The following CACHD1 variants were observed in gnomAD, a reference collection of about 807,000 sequenced individuals.
CACHD1 encodes the protein cache domain containing 1.
Under a neutral mutation model 138.7 loss-of-function variants are expected in CACHD1, and 71 were observed. That is an observed-to-expected ratio of 0.51 (90% CI 0.42 to 0.62). The LOEUF (loss-of-function observed/expected upper bound fraction) is 0.62. Ranked by LOEUF, CACHD1 falls within the 20% of genes least tolerant of loss-of-function variation. CACHD1 has a pLI of 0.00. For synonymous variants in CACHD1, 578 were observed against 591.5 expected (o/e 0.98, Z 0.33); for missense variants, 1,389 against 1,625.3 (o/e 0.85, Z 2.50).
Position 64,487,633 on chromosome 1 carries a change from TA to T in CACHD1, c.198+16701del, listed in dbSNP as rs146677938. 2.7e-3 allele frequency among the ~76,000 whole-genome samples: 404 copies of T among 150,164 alleles called. 3 individuals carry two copies. The highest frequency in any genetic ancestry group is 4.4e-3 in the Non-Finnish European group (294 of 67,394). ...CTTGGTTATGCTGGACCTCCTTTTT[TA>T]AAAAAAAAATGTAACTGATTATCTA... On this transcript the variant is annotated intron_variant, in intron 1 of 26. Coordinates refer to ENST00000651257, the MANE Select transcript of CACHD1 (RefSeq NM_020925.4).
In CACHD1 at chr1:64,663,873, C is replaced by T. The variant is rs767771231; in HGVS notation, c.2094+36C>T. 7 of 1,613,054 alleles carry T rather than the reference C, an allele frequency of 4.3e-6. No homozygotes were observed. The Admixed American group carries it at 6.7e-5, about 15-fold the overall frequency. ...GCGCAGAGCTCCATTTCTGGTGTCCCCCTCCACAGGCCCAGCAGGGGGTGC... is the reference window on the plus strand; with the variant it reads ...GCGCAGAGCTCCATTTCTGGTGTCCTCCTCCACAGGCCCAGCAGGGGGTGC... On this transcript the variant is annotated intron_variant, in intron 14 of 26. Transcript: ENST00000651257.
At chr1:64,640,398 A>G (rs1007212908) in intron 7 of CACHD1, among the ~76,000 whole-genome samples, 2 of 152,164 alleles carry the variant, frequency 1.3e-5, no homozygotes, top group African/African-American at 4.8e-5. Flanking sequence ...TATTGAGGCC[A>G]GGCGTGGTGG....
Position 64,641,988 on chromosome 1 carries a change from T to C in CACHD1, c.1156+19T>C, listed in dbSNP as rs1648733807. 1.3e-6 allele frequency: 2 copies of C among 1,532,546 alleles called. No individual in the cohort carries two copies. The highest frequency in any genetic ancestry group is 8.7e-7 in the Non-Finnish European group (1 of 1,146,746). The allele number at this position is 1,532,546 out of a possible 1,614,324, so 94.9% of individuals were successfully genotyped here. A position where few individuals can be genotyped will look rare whatever the true frequency, so the allele number is the denominator to read the frequency against. ...ATGAACGGTAGGTAGAGTTTCAAGA[T>C]ATTCCTTTCAGATCAAAGATCCCTC... is the stretch of plus-strand genomic sequence containing the variant. On this transcript the variant is annotated intron_variant, in intron 8 of 26. Coordinates refer to ENST00000651257, the MANE Select transcript of CACHD1 (RefSeq NM_020925.4).
At chr1:64,564,464 T>G (rs1173110652) in intron 2 of CACHD1, among the ~76,000 whole-genome samples, 2 of 152,172 alleles carry the variant, frequency 1.3e-5, no homozygotes, top group Non-Finnish European at 2.9e-5. Flanking sequence ...CTGACCCTTC[T>G]TTGAGGCTCC....
At chr1:64,550,442 G>T in intron 1 of CACHD1, 152 bp from the exon 2 acceptor site, 1 of 573,432 alleles carries the variant, frequency 1.7e-6, no homozygotes. Context: ...GACTTTGGCT[G>T]ATACTTGGGT....
intron 3 of CACHD1, among the ~76,000 whole-genome samples, chr1:64,595,725 A>G (rs113649366): frequency 1.3e-5 from 2 of 152,218 alleles, no homozygotes; most frequent in African/African-American, 4.8e-5. Context: ...TTGAATGATA[A>G]TACCATCTGT....
At position 64,675,942 on chromosome 1, in the gene CACHD1, G is replaced by A. The variant is rs1192279678; in HGVS notation, c.2934G>A (p.Glu978=). 6.6e-7 allele frequency: 1 copy of A among 1,516,854 alleles called. No homozygotes were observed. Among genetic ancestry groups the A allele is most frequent in the Non-Finnish European group, 8.9e-7 (1 of 1,128,592 alleles). 94.0% of individuals were successfully genotyped at this position (1,516,854 alleles called of 1,614,324 possible). Residue 978 remains glutamate, a synonymous_variant, in exon 21 of 27, where the codon GAG becomes GAA. Transcript: ENST00000651257. ...ECECPCECPL[E]VNECTGNLTN... ...AATGTCCTTGTGAGTGCCCTCTAGA[G>A]GTCAATGAGTGCACTGGCAACCTCA...
chr1:64,652,167 T>C lies in CACHD1; in HGVS notation c.1397T>C (p.Ile466Thr). ...TTTTGTTTTTAACCCATAGGTTTGA[T>C]AATGACTGTGAGTAAACCCTGTTAT... ...PFSDEMGDGL[I>T]MTVSKPCYFG... The change falls in exon 10 of 27, where the codon ATA (isoleucine) becomes ACA (threonine). Residue 466 changes from isoleucine (I) to threonine (T), a missense_variant. This residue lies in a region of CACHD1 where 1,000 missense variants were observed against 1,114.7 expected (regional missense o/e 0.90). Coordinates refer to ENST00000651257, the MANE Select transcript of CACHD1 (RefSeq NM_020925.4). 6.2e-7 allele frequency: 1 copy of C among 1,607,506 alleles called. No homozygotes were observed. The highest frequency in any genetic ancestry group is 8.5e-7 in the Non-Finnish European group (1 of 1,178,008).
At position 64,632,752 on chromosome 1, in the gene CACHD1, G is replaced by A. The variant is rs754147490; in HGVS notation, c.789+9G>A. ...TCGATGAACATGACAAGGTGACCAT[G>A]ACCCTTGTGACCCCTATGGCATCAG... On this transcript the variant is annotated intron_variant, in intron 6 of 26. Coordinates refer to ENST00000651257, the MANE Select transcript of CACHD1 (RefSeq NM_020925.4). The A allele has an allele frequency of 1.9e-6, 3 of 1,613,988 alleles. No homozygotes were observed. Among genetic ancestry groups the A allele is most frequent in the Non-Finnish European group, 2.5e-6 (3 of 1,179,948 alleles).
At chr1:64,607,340 G>A (rs1411753175) in intron 4 of CACHD1, among the ~76,000 whole-genome samples, 1 of 152,158 alleles carries the variant, frequency 6.6e-6, no homozygotes, top group African/African-American at 2.4e-5. Context: ...GTCCCTGTAT[G>A]CTGAGGGTCC....
At chr1:64,650,435 CCTT>C (rs1157492674) in intron 9 of CACHD1, among the ~76,000 whole-genome samples, 1 of 152,170 alleles carries the variant, frequency 6.6e-6, no homozygotes, top group Non-Finnish European at 1.5e-5. Context: ...CTGGGAAAAA[CCTT>C]CTCCAAAATG....
chr1:64,664,450 T>A (rs1343024204), intron 14 of CACHD1, 48 bp from the exon 15 acceptor site: 1 of 1,567,256 alleles, frequency 6.4e-7, no homozygotes, highest in Non-Finnish European at 8.8e-7. Flanking sequence ...CACTCTCTTT[T>A]CATGTGAGTT....
intron 25 of CACHD1, 25 bp from the exon 26 acceptor site, chr1:64,681,980 A>C: frequency 6.2e-7 from 1 of 1,602,914 alleles, no homozygotes. Flanking sequence ...TAAGAGTGAC[A>C]TTAACTGTCC....
At chr1:64,613,495 G>A (rs1647601822) in intron 4 of CACHD1, 1 of 152,186 alleles carries the variant, frequency 6.6e-6, no homozygotes, top group Non-Finnish European at 1.5e-5. Context: ...CAGGGGTCGA[G>A]AACTGAGCTG....
rs371735487 is a variant in CACHD1 at position 64,647,938 on chromosome 1, C to T, written c.1294C>T (p.Leu432=). ...GATGGTGCTGAATCAGTTGAGCAAC[C>T]TGGAGACCACAGTGGGCAGGTTCTA... The part of the protein sequence containing the change: ...SMMVLNQLSN[L]ETTVGRFYTN... Residue 432 remains leucine, a synonymous_variant, in exon 9 of 27, where the codon CTG becomes TTG. Coordinates refer to ENST00000651257, the MANE Select transcript of CACHD1 (RefSeq NM_020925.4). 6.2e-6 allele frequency: 10 copies of T among 1,613,978 alleles called. No homozygotes were observed. Among genetic ancestry groups the T allele is most frequent in the Middle Eastern group, 1.6e-4 (1 of 6,084 alleles).
At chr1:64,554,470 C>T (rs1646781828) in intron 2 of CACHD1, among the ~76,000 whole-genome samples, 1 of 152,190 alleles carries the variant, frequency 6.6e-6, no homozygotes, top group Admixed American at 6.5e-5. Flanking sequence ...AGACTGCTTC[C>T]ACAGTGGCTG....
chr1:64,609,035 T>A (rs1432697587), intron 4 of CACHD1, among the ~76,000 whole-genome samples: 1 of 152,180 alleles, frequency 6.6e-6, no homozygotes, highest in Non-Finnish European at 1.5e-5. Flanking sequence ...TCACGGGGTG[T>A]AAGGGGCATT....
At chr1:64,471,375 T>A (rs1373955556) in intron 1 of CACHD1, among the ~76,000 whole-genome samples, 3 of 152,208 alleles carry the variant, frequency 2.0e-5, no homozygotes, top group Non-Finnish European at 4.4e-5. Context: ...CTCGGACGAT[T>A]TTCCGAAGTC....
chr1:64,500,717 T>TAAAAAAAAAA (rs72436564), intron 1 of CACHD1, among the ~76,000 whole-genome samples: 3 of 33,944 alleles, frequency 8.8e-5, no homozygotes, highest in Non-Finnish European at 1.0e-4. Context: ...CCTTGTCTCT[T>TAAAAAAAAAA]AAAAAAAAAA....
Sources: gnomAD v4.1 joint callset for allele counts (sites outside exome capture counted in the v4.1 genomes callset) on GRCh38, gnomAD v4.1.1 for gene constraint, gnomAD v4.1.1 regional missense constraint, MANE v1.5 for transcripts, NCBI Gene and HGNC (gene_info 2026-07-23, HGNC 2026-07-21) for gene names.